DAAM2: variants seen among roughly 807,000 people sequenced by gnomAD.
DAAM2 encodes the protein dishevelled associated activator of morphogenesis 2.
DAAM2 carries 39 observed loss-of-function variants against 120.7 expected under a neutral mutation model. The observed-to-expected ratio is 0.32, with a 90% CI of 0.25 to 0.42. DAAM2 has a LOEUF of 0.42. DAAM2 is among the 10% of genes least tolerant of loss of function. The pLI, the probability that DAAM2 is intolerant of heterozygous loss-of-function variation, is 1.00. For synonymous variants in DAAM2, 488 were observed against 524.9 expected (o/e 0.93, Z 0.96); for missense variants, 1,283 against 1,401.7 (o/e 0.92, Z 1.35).
At chr6:39,847,236 G>A (rs1019388039) in intron 1 of DAAM2, among the ~76,000 whole-genome samples, 1 of 152,220 alleles carries the variant, frequency 6.6e-6, no homozygotes, top group Non-Finnish European at 1.5e-5. Flanking sequence ...CCCTGGGAGA[G>A]AGGATCAGGA....
At chr6:39,838,694 A>G (rs113333047) in intron 1 of DAAM2, among the ~76,000 whole-genome samples, 1 of 152,064 alleles carries the variant, frequency 6.6e-6, no homozygotes, top group African/African-American at 2.4e-5. Context: ...TTGCTCTGTC[A>G]CCCAGGCTGG....
chr6:39,830,822 G>T (rs562685977), intron 1 of DAAM2, among the ~76,000 whole-genome samples: 1 of 152,178 alleles, frequency 6.6e-6, no homozygotes, highest in South Asian at 2.1e-4. Flanking sequence ...CCTCCACCTG[G>T]ATAGCTGCCA....
chr6:39,826,515 T>C (rs567119851), intron 1 of DAAM2, among the ~76,000 whole-genome samples: 48 of 152,200 alleles, frequency 3.2e-4, no homozygotes, highest in Non-Finnish European at 1.8e-4. Flanking sequence ...AATCCTCAGG[T>C]GATCGGTTGT....
intron 5 of DAAM2, among the ~76,000 whole-genome samples, chr6:39,865,688 C>T (rs865783600): frequency 9.9e-5 from 15 of 152,046 alleles, no homozygotes; most frequent in African/African-American, 3.1e-4. Flanking sequence ...TAACAGCTGG[C>T]GAATGCTGAG....
intron 1 of DAAM2, among the ~76,000 whole-genome samples, chr6:39,817,890 A>G (rs2114107748): frequency 6.6e-6 from 1 of 152,066 alleles, no homozygotes; most frequent in Admixed American, 6.6e-5. Context: ...AAAAAAGAAA[A>G]AATTCTGGCT....
At chr6:39,866,447 C>T (rs1232427877) in intron 5 of DAAM2, among the ~76,000 whole-genome samples, 1 of 152,108 alleles carries the variant, frequency 6.6e-6, no homozygotes, top group African/African-American at 2.4e-5. Flanking sequence ...AACATAAACA[C>T]AAATACGCTT....
At chr6:39,833,856 T>A (rs1763007691) in intron 1 of DAAM2, among the ~76,000 whole-genome samples, 1 of 152,186 alleles carries the variant, frequency 6.6e-6, no homozygotes, top group South Asian at 2.1e-4. Flanking sequence ...CCTTGTGAAA[T>A]CCTCTGTATC....
At chr6:39,831,594 C>T (rs1248697705) in intron 1 of DAAM2, among the ~76,000 whole-genome samples, 6 of 151,380 alleles carry the variant, frequency 4.0e-5, no homozygotes, top group Admixed American at 2.6e-4. Context: ...AGTTCTGGCT[C>T]TTAACCTCTG....
chr6:39,837,209 T>TC (rs989734097), intron 1 of DAAM2, among the ~76,000 whole-genome samples: 13 of 152,180 alleles, frequency 8.5e-5, no homozygotes, highest in Non-Finnish European at 1.9e-4. Flanking sequence ...GTCAACTGCC[T>TC]CCCCCGTCTC....
In DAAM2 at chr6:39,891,452, G is replaced by A; in HGVS notation, c.2252+5G>A. On this transcript the variant is annotated splice_donor_5th_base_variant and intron_variant, in intron 18 of 24. Coordinates refer to ENST00000274867, the MANE Select transcript of DAAM2 (RefSeq NM_001201427.2). ...CTTCCTCTATGAAATGAGCAGGTTGGGCCATGGGCATGGTGGGGATTCAAG... is the reference window on the plus strand; with the variant it reads ...CTTCCTCTATGAAATGAGCAGGTTGAGCCATGGGCATGGTGGGGATTCAAG... 1 of 1,601,340 alleles carries A rather than the reference G, an allele frequency of 6.2e-7. No individual in the cohort carries two copies.
chr6:39,849,919 C>T (rs897704495), intron 1 of DAAM2, among the ~76,000 whole-genome samples: 6 of 152,106 alleles, frequency 3.9e-5, no homozygotes, highest in Non-Finnish European at 5.9e-5. Flanking sequence ...CCCAGCAGCA[C>T]GTGGCACGTG....
chr6:39,893,609 T>G (rs577389403), intron 19 of DAAM2, among the ~76,000 whole-genome samples: 3 of 152,308 alleles, frequency 2.0e-5, no homozygotes, highest in African/African-American at 7.2e-5. Context: ...GTGTTTGGGA[T>G]AGCAAGATCT....
intron 11 of DAAM2, 77 bp downstream of exon 11, chr6:39,875,545 C>A (rs1764836775): frequency 6.6e-7 from 1 of 1,526,200 alleles, no homozygotes; most frequent in Non-Finnish European, 8.9e-7. Context: ...ACCAGCGAAA[C>A]CTCAGCTCCC....
At position 39,878,308 on chromosome 6, in the gene DAAM2, C is replaced by T. The variant is rs770778251; in HGVS notation, c.1360+47C>T. 34 of 1,612,230 alleles carry T rather than the reference C, an allele frequency of 2.1e-5. No homozygotes were observed. The highest frequency in any genetic ancestry group is 2.8e-5 in the Non-Finnish European group (33 of 1,178,848). On this transcript the variant is annotated intron_variant, in intron 12 of 24. Transcript: ENST00000274867. The surrounding 1 kb of genome is among the most constrained non-coding windows in gnomAD (Gnocchi z 5.0). ...TGCTGTCCACTCCACATGCCCTTCC[C>T]CTGCCCAGCCCATAACTCCATGCCC...
chr6:39,871,278 A>G (rs1317094737), intron 8 of DAAM2, among the ~76,000 whole-genome samples: 1 of 152,148 alleles, frequency 6.6e-6, no homozygotes, highest in East Asian at 1.9e-4. Flanking sequence ...AGCCCATTCT[A>G]AGGTGAAGGG....
intron 1 of DAAM2, among the ~76,000 whole-genome samples, chr6:39,843,722 C>G (rs1763445275): frequency 6.6e-6 from 1 of 152,236 alleles, no homozygotes; most frequent in African/African-American, 2.4e-5. Flanking sequence ...ACAGCCTGGA[C>G]CTTTCTGTGA....
intron 1 of DAAM2, among the ~76,000 whole-genome samples, chr6:39,831,242 C>T (rs1357948859): frequency 6.6e-6 from 1 of 152,094 alleles, no homozygotes; most frequent in African/African-American, 2.4e-5. Context: ...GATGTATAGT[C>T]TGTCAGGTGG....
chr6:39,889,304 C>T (rs1368621063), intron 17 of DAAM2, among the ~76,000 whole-genome samples: 1 of 152,046 alleles, frequency 6.6e-6, no homozygotes, highest in African/African-American at 2.4e-5. Flanking sequence ...TCCAAATAGA[C>T]AATAAGAATA....
intron 22 of DAAM2, among the ~76,000 whole-genome samples, chr6:39,899,302 A>G (rs1458416018): frequency 6.6e-6 from 1 of 152,204 alleles, no homozygotes; most frequent in East Asian, 1.9e-4. Flanking sequence ...TGTACCCAGA[A>G]GGTTCTTCCT....
Sources: allele counts gnomAD v4.1 joint callset (sites outside exome capture counted in the v4.1 genomes callset), GRCh38; gene constraint gnomAD v4.1.1; non-coding constraint Gnocchi (gnomAD v3.1); transcripts MANE v1.5; gene names NCBI Gene and HGNC (gene_info 2026-07-23, HGNC 2026-07-21).